Variants in COL5A2 observed in about 807,000 individuals in gnomAD.
The protein encoded by COL5A2 is collagen alpha-2(V) chain.
In COL5A2, 23 loss-of-function variants were observed where a neutral mutation model predicts 208.2. That is an observed-to-expected ratio of 0.11 (90% CI 0.08 to 0.16). The LOEUF (loss-of-function observed/expected upper bound fraction) is 0.16, where lower values mean the gene tolerates loss of function less well. COL5A2 is among the 10% of genes least tolerant of loss of function. The pLI is 1.00. For missense variants in COL5A2, 1,590 were observed against 1,956.4 expected (o/e 0.81, Z 3.53); for synonymous variants, 625 against 628.5 (o/e 0.99, Z 0.08).
the COL5A2 span, among the ~76,000 whole-genome samples, chr2:189,349,140 A>T: frequency 2.0e-5 from 3 of 152,194 alleles, no homozygotes; most frequent in Non-Finnish European, 4.4e-5. Flanking sequence ...ATATTATAAC[A>T]TAATTGTGTC....
the COL5A2 span, among the ~76,000 whole-genome samples, chr2:189,342,515 A>AATATATATGTATATATGCATATAATATC: frequency 6.7e-6 from 1 of 148,498 alleles, no homozygotes. Context: ...ATATACATAT[A>AATATATATGTATATATGCATATAATATC]TATAAACCCA....
chr2:189,428,333 C>T, the COL5A2 span, among the ~76,000 whole-genome samples: 2 of 152,096 alleles, frequency 1.3e-5, no homozygotes, highest in Non-Finnish European at 2.9e-5. Flanking sequence ...TTGTTTAAAA[C>T]TGTGAGCCAG....
chr2:189,348,267 C>T, the COL5A2 span, among the ~76,000 whole-genome samples: 3 of 151,952 alleles, frequency 2.0e-5, no homozygotes, highest in Non-Finnish European at 2.9e-5. Context: ...ATATTATCAC[C>T]AGTGTAAAGT....
chr2:189,070,075 A>G (rs562078496), intron 18 of COL5A2, among the ~76,000 whole-genome samples: 1 of 152,200 alleles, frequency 6.6e-6, no homozygotes, highest in Non-Finnish European at 1.5e-5. Context: ...GCTGGCAAAT[A>G]AAAATGCCTA....
At chr2:189,109,960 T>C (rs914981047) in intron 2 of COL5A2, among the ~76,000 whole-genome samples, 1 of 152,192 alleles carries the variant, frequency 6.6e-6, no homozygotes, top group African/African-American at 2.4e-5. Flanking sequence ...TCATCTTAAG[T>C]GATTCAAGAA....
chr2:189,284,518 G>A, the COL5A2 span, among the ~76,000 whole-genome samples: 7 of 152,164 alleles, frequency 4.6e-5, no homozygotes, highest in African/African-American at 1.4e-4. Flanking sequence ...TAAACAACCA[G>A]ATCTCATGAG....
At chr2:189,275,193 G>A in the COL5A2 span, among the ~76,000 whole-genome samples, 3 of 151,968 alleles carry the variant, frequency 2.0e-5, no homozygotes, top group Admixed American at 2.0e-4. Context: ...CACATGCCTT[G>A]CCTACTTTTG....
intron 16 of COL5A2, among the ~76,000 whole-genome samples, chr2:189,076,559 A>G (rs1008285370): frequency 1.3e-5 from 2 of 152,220 alleles, no homozygotes; most frequent in African/African-American, 4.8e-5. Context: ...ATGGTGATAA[A>G]TCACCAAAGT....
At chr2:189,311,555 TG>T in the COL5A2 span, 1 of 1,258,918 alleles carries the variant, frequency 7.9e-7, no homozygotes, top group African/African-American at 1.5e-5. Context: ...CTCCATCTGC[TG>T]GGCGTAGTGG....
At chr2:189,037,648 A>G (rs1304456296) in intron 51 of COL5A2, among the ~76,000 whole-genome samples, 2 of 152,200 alleles carry the variant, frequency 1.3e-5, no homozygotes, top group African/African-American at 2.4e-5. Context: ...AGAATAAGGT[A>G]AACTTTAAGC....
chr2:189,054,066 A>T lies in COL5A2; in HGVS notation c.2445+93T>A. 2.9e-6 allele frequency: 4 copies of T among 1,391,660 alleles called. No individual in the cohort carries two copies. The South Asian group carries it at 3.5e-5, about 12-fold the overall frequency. The allele number at this position is 1,391,660 out of a possible 1,614,324, so 86.2% of individuals were successfully genotyped here. A position where few individuals can be genotyped will look rare whatever the true frequency, so the allele number is the denominator to read the frequency against. Reference sequence around the variant, plus strand: ...AGAACTCTGAAATGATCTTGCTCAGATACCATATGTTATAAAATGAAAAGA... The same window carrying T: ...AGAACTCTGAAATGATCTTGCTCAGTTACCATATGTTATAAAATGAAAAGA... On this transcript the variant is annotated intron_variant, in intron 36 of 53. Transcript: ENST00000374866.
chr2:189,058,217 A>G (rs1685942999), intron 33 of COL5A2, among the ~76,000 whole-genome samples: 1 of 152,244 alleles, frequency 6.6e-6, no homozygotes, highest in Admixed American at 6.5e-5. Context: ...CTAAACTACA[A>G]TCCCCATCAA....
At chr2:189,271,188 C>T in the COL5A2 span, among the ~76,000 whole-genome samples, 1 of 152,056 alleles carries the variant, frequency 6.6e-6, no homozygotes, top group Non-Finnish European at 1.5e-5. Context: ...AAAAAACAGC[C>T]CGTATCGTCA....
At chr2:189,079,397 C>T (rs1056390297) in intron 14 of COL5A2, among the ~76,000 whole-genome samples, 8 of 152,098 alleles carry the variant, frequency 5.3e-5, no homozygotes, top group Admixed American at 2.6e-4. Flanking sequence ...ATGTCTGATA[C>T]GTCTCAAGTA....
At chr2:189,048,462 TAATCC>T (rs1427518559) in intron 44 of COL5A2, among the ~76,000 whole-genome samples, 200 bp from the exon 45 acceptor site, 1 of 152,250 alleles carries the variant, frequency 6.6e-6, no homozygotes. Flanking sequence ...TATTCTTACT[TAATCC>T]ATATTCTTCA....
At chr2:189,311,189 A>G in the COL5A2 span, 2 of 906,470 alleles carry the variant, frequency 2.2e-6, no homozygotes, top group Admixed American at 1.9e-5. Flanking sequence ...ATGTGGCCAG[A>G]CTATTTTTTT....
the COL5A2 span, among the ~76,000 whole-genome samples, chr2:189,251,335 T>C: frequency 1.3e-5 from 2 of 152,150 alleles, no homozygotes; most frequent in South Asian, 2.1e-4. Flanking sequence ...AAATGTACAC[T>C]AGAATTCATT....
In COL5A2 at chr2:189,191,163, C is replaced by CCAAAAAAAAAA. The variant is rs748055610; in HGVS notation, c.-42+33984_-42+33985insTTTTTTTTTTG. On this transcript the variant is annotated intron_variant, in intron 1 of 10. Transcript: ENST00000649966. ...CATAAAAAAAAAAACAAAAAACAAA[C>CCAAAAAAAAAA]AAACAACAAAAAACAACAACAAAAA... Among the ~76,000 whole-genome samples, 128 of 72,294 alleles carry CCAAAAAAAAAA rather than the reference C, an allele frequency of 1.8e-3. 1 individual carries two copies. Among genetic ancestry groups the CCAAAAAAAAAA allele is most frequent in the African/African-American group, 5.1e-3 (121 of 23,856 alleles). The allele number at this position is 72,294 out of a possible 152,430, so 47.4% of individuals were successfully genotyped here. A position where few individuals can be genotyped will look rare whatever the true frequency, so the allele number is the denominator to read the frequency against.
intron 1 of COL5A2, among the ~76,000 whole-genome samples, chr2:189,173,272 C>T (rs1256086045): frequency 6.6e-6 from 1 of 152,142 alleles, no homozygotes; most frequent in Non-Finnish European, 1.5e-5. Flanking sequence ...CACACCCAGC[C>T]TCTATCTTCT....
Sources: gnomAD v4.1 joint callset for allele counts (sites outside exome capture counted in the v4.1 genomes callset) on GRCh38, gnomAD v4.1.1 for gene constraint, MANE v1.5 for transcripts, NCBI Gene and HGNC (gene_info 2026-07-23, HGNC 2026-07-21) for gene names.